The following FHIT variants were observed in gnomAD, a reference collection of about 807,000 sequenced individuals.
FHIT encodes bis(5'-adenosyl)-triphosphatase.
FHIT carries 19 observed loss-of-function variants against 17.9 expected under a neutral mutation model. The ratio of observed to expected loss-of-function variants is 1.06; its 90% confidence interval spans 0.74 to 1.56. The LOEUF (loss-of-function observed/expected upper bound fraction) is 1.56, where lower values mean the gene tolerates loss of function less well. Ranked by LOEUF, FHIT falls within the 40% of genes most tolerant of loss-of-function variation. The pLI is 0.00. For missense variants in FHIT, 248 were observed against 189.2 expected, an observed-to-expected ratio of 1.31 and a Z score of -1.82; for synonymous variants, 81 against 69.7, an observed-to-expected ratio of 1.16 and a Z score of -0.81.
intron 3 of FHIT, among the ~76,000 whole-genome samples, chr3:60,830,716 T>C (rs1224873459): frequency 6.6e-6 from 1 of 152,170 alleles, no homozygotes; most frequent in Non-Finnish European, 1.5e-5. Flanking sequence ...TGGCTAACTA[T>C]CGGGAATCGG....
At chr3:60,119,733 T>C (rs1188267009) in intron 5 of FHIT, among the ~76,000 whole-genome samples, 1 of 152,106 alleles carries the variant, frequency 6.6e-6, no homozygotes, top group African/African-American at 2.4e-5. Context: ...GTGACTCAAT[T>C]TCTACCTCTT....
intron 8 of FHIT, among the ~76,000 whole-genome samples, chr3:59,882,932 G>A (rs1363092149): frequency 6.6e-6 from 1 of 152,162 alleles, no homozygotes; most frequent in Non-Finnish European, 1.5e-5. Flanking sequence ...GTTCGGAGGA[G>A]GAAAATGAGA....
chr3:60,500,473 T>C lies in FHIT; in HGVS notation c.103+36387A>G, dbSNP rs1010455263. On this transcript the variant is annotated intron_variant, in intron 5 of 9. Coordinates refer to ENST00000492590, the MANE Select transcript of FHIT (RefSeq NM_002012.4). ...AACTGTAAGCATCACCTAGCAAGAG[T>C]TGTATTGGTGCTGTGGCTGGGCACG... Among the ~76,000 whole-genome samples, 6 of 151,302 alleles carry C rather than the reference T, an allele frequency of 4.0e-5. No homozygotes were observed. The East Asian group carries it at 7.7e-4, about 20-fold the overall frequency.
At chr3:60,571,748 A>C (rs1220170518) in intron 4 of FHIT, among the ~76,000 whole-genome samples, 3 of 152,310 alleles carry the variant, frequency 2.0e-5, no homozygotes, top group African/African-American at 7.2e-5. Context: ...ACTATTAAGC[A>C]CCCTCTCTGG....
intron 8 of FHIT, among the ~76,000 whole-genome samples, chr3:59,850,931 G>A (rs753506907): frequency 5.9e-5 from 9 of 152,222 alleles, no homozygotes; most frequent in Non-Finnish European, 1.2e-4. Flanking sequence ...GCTCCCCTTC[G>A]AGGGAATAAC....
chr3:60,563,193 G>A (rs375846525), intron 4 of FHIT, among the ~76,000 whole-genome samples: 5 of 152,162 alleles, frequency 3.3e-5, no homozygotes, highest in African/African-American at 1.2e-4. Context: ...AAGCGGTAGG[G>A]ACTTGAGTTG....
intron 5 of FHIT, among the ~76,000 whole-genome samples, chr3:60,146,987 G>C (rs1700270477): frequency 6.6e-6 from 1 of 152,126 alleles, no homozygotes; most frequent in Non-Finnish European, 1.5e-5. Context: ...AAGTGCTAAT[G>C]CCATAAATCG....
At chr3:60,662,177 T>C (rs1287261706) in intron 4 of FHIT, among the ~76,000 whole-genome samples, 4 of 152,226 alleles carry the variant, frequency 2.6e-5, no homozygotes, top group African/African-American at 7.2e-5. Flanking sequence ...TTTCAGGTCT[T>C]AGATTTAAGT....
intron 7 of FHIT, among the ~76,000 whole-genome samples, chr3:59,932,608 C>T (rs1575720347): frequency 6.6e-6 from 1 of 152,250 alleles, no homozygotes; most frequent in East Asian, 1.9e-4. Flanking sequence ...AAAAGCCACT[C>T]ACTTTTGGGG....
rs140676695 is a variant in FHIT at position 59,904,385 on chromosome 3, G to T, written c.348+17961C>A. 2.9e-3 allele frequency among the ~76,000 whole-genome samples: 444 copies of T among 151,764 alleles called. 5 individuals are homozygous for T. Among genetic ancestry groups the T allele is most frequent in the South Asian group, 0.017 (82 of 4,796 alleles). On this transcript the variant is annotated intron_variant, in intron 8 of 9. Transcript: ENST00000492590. The stretch of plus-strand genomic sequence containing the variant: ...AAAGCAAATAGGAGATGATTTTCAT[G>T]CAATTTGAAGTTGCATCAAAATCTT...
At chr3:60,639,258 C>T (rs1174417921) in intron 4 of FHIT, among the ~76,000 whole-genome samples, 1 of 151,896 alleles carries the variant, frequency 6.6e-6, no homozygotes, top group East Asian at 1.9e-4. Context: ...GAAGCAGCAG[C>T]TAGGACTTGA....
intron 4 of FHIT, among the ~76,000 whole-genome samples, chr3:60,556,584 A>C (rs2036747042): frequency 6.6e-6 from 1 of 152,234 alleles, no homozygotes; most frequent in South Asian, 2.1e-4. Flanking sequence ...AACCCACAGA[A>C]GTCAAGCAAC....
chr3:60,260,907 G>C (rs1706258673), intron 5 of FHIT, among the ~76,000 whole-genome samples: 1 of 151,940 alleles, frequency 6.6e-6, no homozygotes. Flanking sequence ...ACTCCCACCA[G>C]CGCCATGACA....
chr3:60,740,455 G>C (rs2042219246), intron 4 of FHIT, among the ~76,000 whole-genome samples: 1 of 152,162 alleles, frequency 6.6e-6, no homozygotes, highest in Non-Finnish European at 1.5e-5. Context: ...CTCCCACAAA[G>C]CAAAAATTGT....
chr3:60,680,440 A>G (rs1351374928), intron 4 of FHIT, among the ~76,000 whole-genome samples: 1 of 151,786 alleles, frequency 6.6e-6, no homozygotes, highest in Non-Finnish European at 1.5e-5. Context: ...TTTATATTTC[A>G]TATTAATTTT....
chr3:60,102,794 G>T (rs1171305564), intron 5 of FHIT, among the ~76,000 whole-genome samples: 1 of 152,078 alleles, frequency 6.6e-6, no homozygotes, highest in Non-Finnish European at 1.5e-5. Context: ...AACATAAAGA[G>T]AATGTGCAGG....
intron 2 of FHIT, among the ~76,000 whole-genome samples, chr3:61,058,363 C>G (rs1209057925): frequency 6.6e-6 from 1 of 152,126 alleles, no homozygotes; most frequent in Non-Finnish European, 1.5e-5. Context: ...TAACATCATT[C>G]TCATTCATTC....
At chr3:60,694,823 C>G (rs2041077835) in intron 4 of FHIT, among the ~76,000 whole-genome samples, 1 of 151,940 alleles carries the variant, frequency 6.6e-6, no homozygotes, top group African/African-American at 2.4e-5. Flanking sequence ...GACAAAAAAC[C>G]AAACACCACA....
At chr3:60,992,295 T>C (rs889040048) in intron 3 of FHIT, among the ~76,000 whole-genome samples, 2 of 152,230 alleles carry the variant, frequency 1.3e-5, no homozygotes, top group African/African-American at 4.8e-5. Context: ...TAACTTGATC[T>C]AGATGGCAGT....
Sources: gnomAD v4.1 joint callset for allele counts (sites outside exome capture counted in the v4.1 genomes callset) on GRCh38, gnomAD v4.1.1 for gene constraint, MANE v1.5 for transcripts, NCBI Gene and HGNC (gene_info 2026-07-23, HGNC 2026-07-21) for gene names.